GPC5: variants seen among roughly 807,000 people sequenced by gnomAD.
The protein encoded by GPC5 is glypican-5.
A neutral mutation model predicts 53.9 loss-of-function variants in GPC5; 47 were observed. The observed-to-expected ratio is 0.87, with a 90% confidence interval of 0.69 to 1.11. GPC5 has a LOEUF of 1.11. GPC5 is among the 50% of genes most tolerant of loss of function. The pLI, the probability that GPC5 is intolerant of heterozygous loss-of-function variation, is 0.00. For missense variants in GPC5, 748 were observed against 713.1 expected (o/e 1.05, Z -0.56); for synonymous variants, 286 against 263.3 (o/e 1.09, Z -0.84).
At chr13:92,504,240 A>G (rs1043381664) in intron 7 of GPC5, among the ~76,000 whole-genome samples, 5 of 151,974 alleles carry the variant, frequency 3.3e-5, no homozygotes, top group African/African-American at 1.2e-4. Context: ...AACTTTTGAA[A>G]ACCATATAAT....
At chr13:92,694,403 G>A (rs1463714763) in intron 7 of GPC5, among the ~76,000 whole-genome samples, 1 of 152,132 alleles carries the variant, frequency 6.6e-6, no homozygotes, top group Admixed American at 6.5e-5. Flanking sequence ...TGCAGGGGCT[G>A]TACTCTGCAG....
At chr13:92,606,183 A>T (rs1301647838) in intron 7 of GPC5, among the ~76,000 whole-genome samples, 1 of 151,974 alleles carries the variant, frequency 6.6e-6, no homozygotes, top group African/African-American at 2.4e-5. Flanking sequence ...GGTGTGCTGC[A>T]CCCATTAACT....
intron 7 of GPC5, among the ~76,000 whole-genome samples, chr13:92,494,073 TTTG>T (rs1196378884): frequency 4.3e-5 from 5 of 115,536 alleles, no homozygotes; most frequent in African/African-American, 1.5e-4. Flanking sequence ...TGTTTGTTTG[TTTG>T]TTTGTTTTGT....
intron 7 of GPC5, among the ~76,000 whole-genome samples, chr13:92,253,659 T>C (rs1224705431): frequency 6.6e-6 from 1 of 152,052 alleles, no homozygotes; most frequent in Non-Finnish European, 1.5e-5. Flanking sequence ...TGAAAGTATG[T>C]ACATGAAGTG....
chr13:92,637,974 A>G (rs74107083), intron 7 of GPC5, among the ~76,000 whole-genome samples: 5,370 of 152,256 alleles, frequency 0.035, 314 homozygotes, highest in African/African-American at 0.12. Context: ...AAAACTGTAG[A>G]GATGAAATCA....
chr13:91,953,577 A>T (rs2040046677), intron 6 of GPC5, among the ~76,000 whole-genome samples: 1 of 152,250 alleles, frequency 6.6e-6, no homozygotes, highest in Non-Finnish European at 1.5e-5. Context: ...GAATGTAATT[A>T]TAATAGGATT....
chr13:92,337,027 T>A (rs1001603502), intron 7 of GPC5, among the ~76,000 whole-genome samples: 2 of 152,116 alleles, frequency 1.3e-5, no homozygotes, highest in Admixed American at 1.3e-4. Flanking sequence ...CATGATTCAG[T>A]TATCTCCCAC....
At chr13:92,680,003 T>C (rs900510730) in intron 7 of GPC5, among the ~76,000 whole-genome samples, 2 of 150,436 alleles carry the variant, frequency 1.3e-5, no homozygotes, top group African/African-American at 4.9e-5. Context: ...AACCTCAGCA[T>C]AGACTATAAT....
intron 7 of GPC5, among the ~76,000 whole-genome samples, chr13:92,286,590 A>G (rs1050763958): frequency 1.3e-5 from 2 of 152,200 alleles, no homozygotes; most frequent in African/African-American, 2.4e-5. Context: ...TTGTAGGGAC[A>G]TGGATGAAGC....
At chr13:91,634,651 GATAA>G (rs2034242243) in intron 2 of GPC5, among the ~76,000 whole-genome samples, 1 of 151,790 alleles carries the variant, frequency 6.6e-6, no homozygotes, top group African/African-American at 2.4e-5. Flanking sequence ...TATTTCACTT[GATAA>G]ATACTGATGT....
chr13:92,221,329 T>C (rs2042446917), intron 7 of GPC5, among the ~76,000 whole-genome samples: 1 of 152,218 alleles, frequency 6.6e-6, no homozygotes, highest in Non-Finnish European at 1.5e-5. Flanking sequence ...TGCTTTGTCT[T>C]ATCATATACA....
At chr13:92,316,792 G>T (rs1186228186) in intron 7 of GPC5, among the ~76,000 whole-genome samples, 1 of 151,994 alleles carries the variant, frequency 6.6e-6, no homozygotes, top group Non-Finnish European at 1.5e-5. Flanking sequence ...AAGGGGTTCT[G>T]GGTCAAATTT....
intron 6 of GPC5, among the ~76,000 whole-genome samples, chr13:91,909,122 A>G (rs1275718063): frequency 6.6e-6 from 1 of 152,320 alleles, no homozygotes; most frequent in South Asian, 2.1e-4. Flanking sequence ...TTATTCTACC[A>G]TTGATACCTG....
chr13:92,486,573 G>C (rs1879562397), intron 7 of GPC5, among the ~76,000 whole-genome samples: 1 of 152,100 alleles, frequency 6.6e-6, no homozygotes, highest in Non-Finnish European at 1.5e-5. Flanking sequence ...TAGAGTTTTA[G>C]TTTCTAACAC....
chr13:92,410,201 T>C (rs770725870), intron 7 of GPC5, among the ~76,000 whole-genome samples: 1 of 152,208 alleles, frequency 6.6e-6, no homozygotes, highest in Non-Finnish European at 1.5e-5. Context: ...CTGTATTGTG[T>C]AGTTGACCTG....
At chr13:92,343,305 T>C (rs2043382816) in intron 7 of GPC5, among the ~76,000 whole-genome samples, 1 of 152,184 alleles carries the variant, frequency 6.6e-6, no homozygotes, top group Admixed American at 6.5e-5. Flanking sequence ...AAATTAGTGA[T>C]AGAATTTGGA....
At chr13:92,030,194 T>C (rs1029197358) in intron 6 of GPC5, among the ~76,000 whole-genome samples, 1 of 152,054 alleles carries the variant, frequency 6.6e-6, no homozygotes, top group African/African-American at 2.4e-5. Context: ...CTGAAAAAAA[T>C]AGTTTCATAA....
At chr13:91,454,104 A>G (rs1196478168) in intron 2 of GPC5, among the ~76,000 whole-genome samples, 1 of 152,032 alleles carries the variant, frequency 6.6e-6, no homozygotes, top group Non-Finnish European at 1.5e-5. Flanking sequence ...TATCAGTGCA[A>G]TTGGTCTTTA....
chr13:91,452,443 G>A, intron 2 of GPC5, among the ~76,000 whole-genome samples: 1 of 152,114 alleles, frequency 6.6e-6, no homozygotes, highest in African/African-American at 2.4e-5. Flanking sequence ...AAGGAGGAAT[G>A]TTGGCTTTGT....
Sources: gnomAD v4.1 joint callset for allele counts (sites outside exome capture counted in the v4.1 genomes callset) on GRCh38, gnomAD v4.1.1 for gene constraint, MANE v1.5 for transcripts, NCBI Gene and HGNC (gene_info 2026-07-23, HGNC 2026-07-21) for gene names.